The following CFAP65 variants were observed in gnomAD, a reference collection of about 807,000 sequenced individuals.
CFAP65 encodes the protein cilia and flagella associated protein 65.
Under a neutral mutation model 208.0 loss-of-function variants are expected in CFAP65, and 155 were observed. The observed-to-expected ratio is 0.75, with a 90% CI of 0.65 to 0.85. The LOEUF is 0.85. Among genes scored for constraint, CFAP65 ranks in the 40% least tolerant of loss-of-function variants. CFAP65 has a pLI of 0.00. For synonymous variants in CFAP65, 970 were observed against 986.3 expected (o/e 0.98, Z 0.31); for missense variants, 2,294 against 2,451.3 (o/e 0.94, Z 1.36).
At chr2:219,036,307 T>G (rs1948354369) in intron 4 of CFAP65, among the ~76,000 whole-genome samples, 1 of 152,164 alleles carries the variant, frequency 6.6e-6, no homozygotes, top group South Asian at 2.1e-4. Flanking sequence ...TCCATAGGCT[T>G]ATCCATCACC....
In CFAP65 at chr2:219,027,958, C is replaced by T. The variant is rs1404439204; in HGVS notation, c.1903G>A (p.Glu635Lys). The change falls in exon 13 of 35, where the codon GAG (glutamate) becomes AAG (lysine). Residue 635 changes from glutamate to lysine, a missense_variant. Glu to Lys is a moderately conservative substitution (Grantham distance 56, BLOSUM62 1). Transcript: ENST00000341552. ...TCGCTGGTGCCGTCGAAGAAGAACT[C>T]GGTCATGGGGGGGATATAAGGGTAC... ...PQYPYIPPMTEFFFDGTSDIT... is the reference protein window; with the variant it reads ...PQYPYIPPMTKFFFDGTSDIT... 2.0e-6 allele frequency: 3 copies of T among 1,519,310 alleles called. No homozygotes were observed. Among genetic ancestry groups the T allele is most frequent in the African/African-American group, 2.8e-5 (2 of 71,870 alleles). The allele number at this position is 1,519,310 out of a possible 1,614,324, so 94.1% of individuals were successfully genotyped here.
chr2:219,014,084 G>A (rs757554950), intron 21 of CFAP65, 40 bp from the exon 22 acceptor site: 4 of 1,549,860 alleles, frequency 2.6e-6, no homozygotes, highest in African/African-American at 2.7e-5. Context: ...AAACTGGTCA[G>A]GCAGAACAGA....
At chr2:219,021,098 C>G (rs969037261) in intron 19 of CFAP65, 54 bp downstream of exon 19, 16 of 1,466,628 alleles carry the variant, frequency 1.1e-5, no homozygotes, top group African/African-American at 7.1e-5. Flanking sequence ...CAGCCCTCCC[C>G]CTTCATCCTG....
At chr2:219,013,021 A>T (rs1946588400) in intron 24 of CFAP65, among the ~76,000 whole-genome samples, 1 of 152,172 alleles carries the variant, frequency 6.6e-6, no homozygotes, top group Non-Finnish European at 1.5e-5. Flanking sequence ...GGAAAAAAAA[A>T]TCCTCATTTT....
rs1945738291 is a variant in CFAP65 at position 219,003,676 on chromosome 2, T to A, written c.5555+276A>T. Among the ~76,000 whole-genome samples the A allele has an allele frequency of 6.6e-6, 1 of 152,204 alleles. No individual in the cohort carries two copies. The highest frequency in any genetic ancestry group is 2.1e-4 in the South Asian group (1 of 4,828). On this transcript the variant is annotated intron_variant, in intron 33 of 34. Coordinates refer to ENST00000341552, the MANE Select transcript of CFAP65 (RefSeq NM_194302.4). This position sits in a 1 kb window ranked among gnomAD's most constrained non-coding sequence, Gnocchi z 4.4. ...AAGACAGGTGGTCCTTTTCTGGCTCTAGAAGCCCATTTACAAGACTTTGCA... is the reference window on the plus strand; with the variant it reads ...AAGACAGGTGGTCCTTTTCTGGCTCAAGAAGCCCATTTACAAGACTTTGCA...
chr2:219,018,935 T>C lies in CFAP65; in HGVS notation c.3602+116A>G, dbSNP rs563755218. On this transcript the variant is annotated intron_variant, in intron 21 of 34. Coordinates refer to ENST00000341552, the MANE Select transcript of CFAP65 (RefSeq NM_194302.4). ...CCACAGCCGTCAATGTGAGGTCCAC[T>C]CTTCACAGACAGCAAGCAGCCAGGC... is the stretch of plus-strand genomic sequence containing the variant. 1.1e-5 allele frequency: 16 copies of C among 1,418,266 alleles called. No individual in the cohort carries two copies. In the East Asian group the frequency reaches 2.8e-4, roughly 24 times the overall value. The allele number at this position is 1,418,266 out of a possible 1,614,324, so 87.9% of individuals were successfully genotyped here.
intron 29 of CFAP65, among the ~76,000 whole-genome samples, chr2:219,007,333 C>T (rs1244591728): frequency 6.6e-6 from 1 of 151,942 alleles, no homozygotes; most frequent in Non-Finnish European, 1.5e-5. Context: ...GCCACCACAC[C>T]CAGCCAGTTT....
chr2:219,035,087 A>C (rs1428221619), intron 5 of CFAP65: 1 of 415,606 alleles, frequency 2.4e-6, no homozygotes, highest in Non-Finnish European at 4.2e-6. Flanking sequence ...TCACCAATTT[A>C]ACAACTACGC....
intron 11 of CFAP65, among the ~76,000 whole-genome samples, chr2:219,029,197 G>C (rs1277963011): frequency 6.6e-6 from 1 of 152,232 alleles, no homozygotes; most frequent in Non-Finnish European, 1.5e-5. Flanking sequence ...TGGTAGCAGG[G>C]CAAGACTGGC....
rs61214924 is a variant in CFAP65 at position 219,004,935 on chromosome 2, T to TTTTCTTTCTTTC, written c.5051+487_5052-481dup. Among the ~76,000 whole-genome samples the TTTTCTTTCTTTC allele has an allele frequency of 4.6e-3, 679 of 149,138 alleles. 4 individuals carry two copies. The highest frequency in any genetic ancestry group is 0.011 in the African/African-American group (445 of 39,148). ...TCTTTCTCTCTCTTTCTCTCCTCTT[T>TTTTCTTTCTTTC]TTTCTTTCTTTCTTTCTTTCTTTCT... On this transcript the variant is annotated intron_variant, in intron 32 of 34. Transcript: ENST00000341552. This position sits in a 1 kb window ranked among gnomAD's most constrained non-coding sequence, Gnocchi z 4.7.
intron 16 of CFAP65, among the ~76,000 whole-genome samples, 157 bp downstream of exon 16, chr2:219,023,050 G>A (rs1947370389): frequency 6.6e-6 from 1 of 152,208 alleles, no homozygotes. Flanking sequence ...ATGGTGGGGG[G>A]ATGGTGAGGG....
At chr2:219,017,376 C>T (rs1946968845) in intron 21 of CFAP65, among the ~76,000 whole-genome samples, 1 of 152,320 alleles carries the variant, frequency 6.6e-6, no homozygotes, top group African/African-American at 2.4e-5. Flanking sequence ...TGGAGCTCCC[C>T]CTCCCACTTG....
At chr2:219,007,766 C>T (rs991751351) in intron 29 of CFAP65, among the ~76,000 whole-genome samples, 3 of 152,072 alleles carry the variant, frequency 2.0e-5, no homozygotes, top group African/African-American at 4.8e-5. Context: ...ATCCTCACAA[C>T]GTCACAAAGC....
At position 219,039,058 on chromosome 2, in the gene CFAP65, A is replaced by C. The variant is rs769431567; in HGVS notation, c.-2-8T>G. 2 of 1,594,472 alleles carry C rather than the reference A, an allele frequency of 1.3e-6. No homozygotes were observed. The highest frequency in any genetic ancestry group is 1.7e-6 in the Non-Finnish European group (2 of 1,169,580). On this transcript the variant is annotated splice_polypyrimidine_tract_variant and splice_region_variant and intron_variant, in intron 2 of 34. Transcript: ENST00000341552. ...CGGTTAAGGTAAACATCACTGAAAT[A>C]AATCAATCAAAGCATAAGTCAATCC... is the stretch of plus-strand genomic sequence containing the variant.
rs1948035138 is a variant in CFAP65 at position 219,031,532 on chromosome 2, C to T, written c.772G>A (p.Val258Met). Residue 258 changes from valine (V) to methionine (M), a missense_variant, in exon 7 of 35, where the codon GTG (valine) becomes ATG (methionine). Coordinates refer to ENST00000341552, the MANE Select transcript of CFAP65 (RefSeq NM_194302.4). This position sits in a 1 kb window ranked among gnomAD's most constrained non-coding sequence, Gnocchi z 5.2. Reference protein sequence around the residue: ...PPSLQLPMCAVGDTTEAFFCL... With the variant: ...PPSLQLPMCAMGDTTEAFFCL... ...AAAAAGGCCTCAGTCGTATCTCCCA[C>T]AGCACACATGGGCAGCTGCAGGGAT... The T allele has an allele frequency of 6.2e-7, 1 of 1,614,258 alleles. No homozygotes were observed. Among genetic ancestry groups the T allele is most frequent in the Non-Finnish European group, 8.5e-7 (1 of 1,180,040 alleles).
At chr2:219,023,964 A>C (rs776379705) in intron 15 of CFAP65, 51 bp downstream of exon 15, 2 of 1,579,354 alleles carry the variant, frequency 1.3e-6, no homozygotes, top group Non-Finnish European at 1.7e-6. Context: ...AGGGTGGTTC[A>C]AGATTATGGC....
intron 26 of CFAP65, 96 bp downstream of exon 26, chr2:219,010,450 A>G: frequency 7.5e-7 from 1 of 1,327,704 alleles, no homozygotes; most frequent in Non-Finnish European, 1.0e-6. Flanking sequence ...ACTACATCTC[A>G]TGTCCCTCCC....
rs578124457 is a variant in CFAP65, at chr2:219,010,077, G to A, written c.4317C>T (p.Phe1439=). The A allele has an allele frequency of 2.5e-6, 4 of 1,597,018 alleles. No homozygotes were observed. In the South Asian group the frequency reaches 4.5e-5, roughly 18 times the overall value. The change falls in exon 27 of 35, where the codon TTC becomes TTT. Residue 1439 remains phenylalanine (F), a synonymous_variant. Coordinates refer to ENST00000341552, the MANE Select transcript of CFAP65 (RefSeq NM_194302.4). Reference sequence around the variant, plus strand: ...CCAGGGAAATATGAGACTGGGACAGGAAGACATTCTGTGGGTGGAGAGCGG... The same window carrying A: ...CCAGGGAAATATGAGACTGGGACAGAAAGACATTCTGTGGGTGGAGAGCGG... ...SRLVVPGQNV[F]LSQSHISLGN...
In CFAP65 at chr2:219,040,439, C is replaced by T. The variant is rs941852964; in HGVS notation, c.-3+80G>A. The stretch of plus-strand genomic sequence containing the variant: ...CTGGAGGGGACTATCTAGATTCAGT[C>T]GTTCGTTCATTCACAAAGCACTTAC... On this transcript the variant is annotated intron_variant, in intron 2 of 34. Coordinates refer to ENST00000341552, the MANE Select transcript of CFAP65 (RefSeq NM_194302.4). 32 of 801,328 alleles carry T rather than the reference C, an allele frequency of 4.0e-5. No individual in the cohort carries two copies. In the Admixed American group the frequency reaches 4.4e-4, roughly 11 times the overall value. 49.6% of individuals were successfully genotyped at this position (801,328 alleles called of 1,614,324 possible). A position where few individuals can be genotyped will look rare whatever the true frequency, so the allele number is the denominator to read the frequency against.
Sources: allele counts gnomAD v4.1 joint callset (sites outside exome capture counted in the v4.1 genomes callset), GRCh38; gene constraint gnomAD v4.1.1; non-coding constraint Gnocchi (gnomAD v3.1); transcripts MANE v1.5; gene names NCBI Gene and HGNC (gene_info 2026-07-23, HGNC 2026-07-21).